The following DEFB106B variants were observed in gnomAD, a reference collection of about 807,000 sequenced individuals.
The protein encoded by DEFB106B is defensin beta 106B.
chr8:7,484,168 T>C (rs1193847873), intron 1 of DEFB106B, among the ~76,000 whole-genome samples: 4 of 137,418 alleles, frequency 2.9e-5, no homozygotes, highest in East Asian at 2.2e-4. Context: ...TACTATACTA[T>C]ATATTAGTGT....
At chr8:7,484,858 T>A (rs1811433113) in intron 1 of DEFB106B, among the ~76,000 whole-genome samples, 1 of 59,764 alleles carries the variant, frequency 1.7e-5, no homozygotes. Flanking sequence ...GGGAACAGAG[T>A]GAGACTCTAT....
At chr8:7,483,715 G>T (rs1335255403) in intron 1 of DEFB106B, among the ~76,000 whole-genome samples, 1 of 105,348 alleles carries the variant, frequency 9.5e-6, no homozygotes, top group African/African-American at 4.1e-5. Flanking sequence ...CACTGGCAGG[G>T]GTCTATGTTC....
intron 1 of DEFB106B, 128 bp from the exon 2 acceptor site, chr8:7,482,880 A>ATG: frequency 6.3e-7 from 1 of 1,580,692 alleles, no homozygotes; most frequent in South Asian, 1.1e-5. Context: ...CTACCGGTAG[A>ATG]TGAGATGGTA....
At chr8:7,484,904 A>T (rs1358146246) in intron 1 of DEFB106B, among the ~76,000 whole-genome samples, 1 of 98,590 alleles carries the variant, frequency 1.0e-5, no homozygotes, top group East Asian at 2.7e-4. Context: ...ATATATATAT[A>T]TAAAATATAT....
rs1475984043 is a variant in DEFB106B, at chr8:7,484,020, C to G, written c.50-1268G>C. Among the ~76,000 whole-genome samples the G allele has an allele frequency of 1.1e-4, 14 of 126,850 alleles. No individual in the cohort carries two copies. The East Asian group carries it at 2.4e-3, about 22-fold the overall frequency. The allele number at this position is 126,850 out of a possible 152,430, so 83.2% of individuals were successfully genotyped here. A position where few individuals can be genotyped will look rare whatever the true frequency, so the allele number is the denominator to read the frequency against. On this transcript the variant is annotated intron_variant, in intron 1 of 1. Coordinates refer to ENST00000335479, the MANE Select transcript of DEFB106B (RefSeq NM_001040704.2). ...GTATTATACTAGTATGTACACTATA[C>G]TATGTACTAGTATATAATACTACTA...
At chr8:7,483,844 T>C (rs1281737177) in intron 1 of DEFB106B, among the ~76,000 whole-genome samples, 1 of 133,772 alleles carries the variant, frequency 7.5e-6, no homozygotes, top group African/African-American at 3.0e-5. Context: ...GTATATACTA[T>C]AAAAATACTA....
chr8:7,482,931 C>T (rs200635460), intron 1 of DEFB106B, among the ~76,000 whole-genome samples, 179 bp from the exon 2 acceptor site: 21,328 of 112,596 alleles, frequency 0.19, 243 homozygotes, highest in African/African-American at 0.25. Context: ...CTCATAGTCA[C>T]ACAGGGTGAA....
At chr8:7,484,083 T>C (rs1257874938) in intron 1 of DEFB106B, among the ~76,000 whole-genome samples, 1 of 127,246 alleles carries the variant, frequency 7.9e-6, no homozygotes, top group Non-Finnish European at 1.6e-5. Flanking sequence ...ATCATACCAG[T>C]ATATATACTA....
chr8:7,483,775 T>TA (rs1442424007), intron 1 of DEFB106B, among the ~76,000 whole-genome samples: 1 of 128,166 alleles, frequency 7.8e-6, no homozygotes, highest in African/African-American at 3.2e-5. Context: ...TACCATAGAC[T>TA]ATAGTGTGGT....
chr8:7,484,151 GTA>G (rs1811387795), intron 1 of DEFB106B, among the ~76,000 whole-genome samples: 2 of 134,084 alleles, frequency 1.5e-5, no homozygotes, highest in Non-Finnish European at 3.2e-5. Context: ...TATTATAATA[GTA>G]TATATACTAT....
intron 1 of DEFB106B, among the ~76,000 whole-genome samples, chr8:7,483,411 G>A (rs1226856012): frequency 8.8e-6 from 1 of 113,708 alleles, no homozygotes; most frequent in Non-Finnish European, 1.8e-5. Flanking sequence ...CCCAAGAGCA[G>A]CCTGCTTCAA....
chr8:7,483,918 C>A (rs1343727459), intron 1 of DEFB106B, among the ~76,000 whole-genome samples: 1 of 129,084 alleles, frequency 7.7e-6, no homozygotes, highest in Admixed American at 8.2e-5. Context: ...ATATACTATA[C>A]TATATACTAG....
intron 1 of DEFB106B, among the ~76,000 whole-genome samples, chr8:7,484,006 G>C (rs1186939262): frequency 8.0e-6 from 1 of 125,062 alleles, no homozygotes; most frequent in African/African-American, 3.1e-5. Flanking sequence ...TATTATACTA[G>C]TATGTACACT....
At chr8:7,484,023 TG>T (rs1175072929) in intron 1 of DEFB106B, among the ~76,000 whole-genome samples, 14 of 129,192 alleles carry the variant, frequency 1.1e-4, no homozygotes, top group Admixed American at 1.7e-4. Context: ...CACTATACTA[TG>T]TACTAGTATA....
At position 7,486,369 on chromosome 8, in the gene DEFB106B, AG is replaced by A. The variant is rs776356305; in HGVS notation, c.13del (p.Leu5SerfsTer10). 2 of 1,554,170 alleles carry A rather than the reference AG, an allele frequency of 1.3e-6. No homozygotes were observed. Among genetic ancestry groups the A allele is most frequent in the Non-Finnish European group, 1.8e-6 (2 of 1,136,164 alleles). ...AAAGAAGAGCACGGCAAAGAGAAAGAGGAAAGTCCTCATGACTGGGTGGGTC... is the reference window on the plus strand; with the variant it reads ...AAAGAAGAGCACGGCAAAGAGAAAGAGAAAGTCCTCATGACTGGGTGGGTC... MRTF[L>X]FLFAVLFFLT... is the part of the protein sequence containing the mutation. On this transcript the variant is annotated frameshift_variant, in exon 1 of 2. Coordinates refer to ENST00000335479, the MANE Select transcript of DEFB106B (RefSeq NM_001040704.2). LOFTEE classifies it high-confidence loss of function.
intron 1 of DEFB106B, among the ~76,000 whole-genome samples, chr8:7,483,822 T>C (rs1272751314): frequency 7.5e-6 from 1 of 133,194 alleles, no homozygotes; most frequent in African/African-American, 3.0e-5. Flanking sequence ...TATAGTATCA[T>C]AGTATAGATT....
chr8:7,484,318 A>G (rs1401204906), intron 1 of DEFB106B, among the ~76,000 whole-genome samples: 4 of 147,908 alleles, frequency 2.7e-5, no homozygotes, highest in Non-Finnish European at 5.9e-5. Flanking sequence ...ACTATACTGT[A>G]TACTAGTGTA....
At chr8:7,484,424 C>G (rs866617396) in intron 1 of DEFB106B, among the ~76,000 whole-genome samples, 3 of 146,974 alleles carry the variant, frequency 2.0e-5, no homozygotes, top group Admixed American at 6.9e-5. Flanking sequence ...ATACACTATA[C>G]TATATACTAG....
intron 1 of DEFB106B, among the ~76,000 whole-genome samples, chr8:7,484,138 G>C (rs1173509493): frequency 7.4e-6 from 1 of 135,604 alleles, no homozygotes; most frequent in African/African-American, 2.7e-5. Context: ...CTATATACTA[G>C]AGTATTATAA....
Sources: gnomAD v4.1 joint callset for allele counts (sites outside exome capture counted in the v4.1 genomes callset) on GRCh38, gnomAD v4.1.1 for gene constraint, MANE v1.5 for transcripts, NCBI Gene and HGNC (gene_info 2026-07-23, HGNC 2026-07-21) for gene names.